NRXN3: variants seen among roughly 807,000 people sequenced by gnomAD.
NRXN3 encodes neurexin 3, also known as neurexin III.
Under a neutral mutation model 137.6 loss-of-function variants are expected in NRXN3, and 32 were observed. The observed-to-expected ratio is 0.23, with a 90% CI of 0.18 to 0.31. NRXN3 has a LOEUF of 0.31. Among genes scored for constraint, NRXN3 ranks in the 10% least tolerant of loss-of-function variants. NRXN3 has a pLI of 1.00. For missense variants in NRXN3, 1,574 were observed against 2,062.5 expected (o/e 0.76, Z 4.59); for synonymous variants, 798 against 784.5 (o/e 1.02, Z -0.29).
At chr14:79,126,281 C>T (rs947797249) in intron 15 of NRXN3, among the ~76,000 whole-genome samples, 5 of 151,908 alleles carry the variant, frequency 3.3e-5, no homozygotes, top group East Asian at 1.9e-4. Flanking sequence ...CCCACTAACT[C>T]GTCATCTAGC....
intron 20 of NRXN3, among the ~76,000 whole-genome samples, chr14:79,812,017 G>A (rs1000552521): frequency 6.6e-5 from 10 of 152,044 alleles, no homozygotes; most frequent in South Asian, 6.2e-4. Context: ...TATAAGAATA[G>A]GAAAGATCTA....
chr14:78,252,971 C>T (rs1240571587), intron 2 of NRXN3, among the ~76,000 whole-genome samples: 1 of 151,974 alleles, frequency 6.6e-6, no homozygotes, highest in African/African-American at 2.4e-5. Context: ...CCTCCTCATT[C>T]TCTCAGGCTT....
intron 10 of NRXN3, among the ~76,000 whole-genome samples, chr14:78,925,374 A>G (rs1017813820): frequency 6.6e-6 from 1 of 152,226 alleles, no homozygotes; most frequent in African/African-American, 2.4e-5. Flanking sequence ...CGAAGAAAAT[A>G]AAAGCTCAGC....
At chr14:79,855,899 A>T (rs2099401551) in intron 20 of NRXN3, among the ~76,000 whole-genome samples, 1 of 152,184 alleles carries the variant, frequency 6.6e-6, no homozygotes, top group Non-Finnish European at 1.5e-5. Flanking sequence ...AATTTGACCA[A>T]ATTCCTAGCA....
chr14:79,285,750 C>T (rs1164339149), intron 15 of NRXN3, among the ~76,000 whole-genome samples: 6 of 152,134 alleles, frequency 3.9e-5, no homozygotes, highest in Non-Finnish European at 8.8e-5. Flanking sequence ...AAGGCCCTGT[C>T]CTCACATACA....
At chr14:78,501,294 A>G (rs895817289) in intron 4 of NRXN3, among the ~76,000 whole-genome samples, 1 of 152,148 alleles carries the variant, frequency 6.6e-6, no homozygotes, top group African/African-American at 2.4e-5. Flanking sequence ...TCGACTGGCA[A>G]AAGGTCTGCT....
intron 1 of NRXN3, among the ~76,000 whole-genome samples, chr14:78,194,893 T>A (rs2061086818): frequency 1.3e-5 from 2 of 152,304 alleles, no homozygotes; most frequent in East Asian, 1.9e-4. Flanking sequence ...ATGCCATTTG[T>A]CTTTGTGTCT....
intron 4 of NRXN3, among the ~76,000 whole-genome samples, chr14:78,568,943 G>A (rs1279494680): frequency 1.3e-5 from 2 of 150,540 alleles, no homozygotes; most frequent in Admixed American, 6.6e-5. Flanking sequence ...GTCTGTGGTG[G>A]GAAATATGAC....
At chr14:78,175,141 C>T (rs990807363) in intron 1 of NRXN3, among the ~76,000 whole-genome samples, 1 of 152,186 alleles carries the variant, frequency 6.6e-6, no homozygotes, top group African/African-American at 2.4e-5. Flanking sequence ...AGGTGTGTCT[C>T]TCTTTATTAG....
At chr14:78,801,253 G>A (rs894391059) in intron 8 of NRXN3, among the ~76,000 whole-genome samples, 4 of 152,260 alleles carry the variant, frequency 2.6e-5, no homozygotes, top group East Asian at 1.9e-4. Context: ...CCTGGGAGGC[G>A]GAGCTTGCAG....
intron 15 of NRXN3, among the ~76,000 whole-genome samples, chr14:79,234,878 A>G (rs1362242282): frequency 1.3e-5 from 2 of 152,194 alleles, no homozygotes; most frequent in East Asian, 3.9e-4. Context: ...GAAATACTAC[A>G]CTAGGAAAAA....
intron 15 of NRXN3, among the ~76,000 whole-genome samples, chr14:79,393,368 G>A (rs1273931219): frequency 2.6e-5 from 4 of 152,174 alleles, no homozygotes. Context: ...AAAATGGAAA[G>A]TCACTTATAT....
chr14:78,973,909 T>C (rs189921916), intron 14 of NRXN3, among the ~76,000 whole-genome samples: 12 of 152,346 alleles, frequency 7.9e-5, no homozygotes, highest in Non-Finnish European at 1.6e-4. Flanking sequence ...GACTTTGCTG[T>C]GACTTTCTTG....
chr14:79,470,949 AGAGTGTGTGTGTGTGT>A (rs1263636372), intron 16 of NRXN3, among the ~76,000 whole-genome samples: 10 of 57,318 alleles, frequency 1.7e-4, no homozygotes, highest in South Asian at 6.6e-4. Flanking sequence ...AAAGAGAGAG[AGAGTGTGTGTGTGTGT>A]GTGTGTGTGT....
chr14:79,489,828 A>G (rs2096696101), intron 16 of NRXN3, among the ~76,000 whole-genome samples: 1 of 151,882 alleles, frequency 6.6e-6, no homozygotes. Context: ...TCACGAGCTC[A>G]GGAGATCAAG....
At chr14:78,787,293 G>A (rs1234386545) in intron 8 of NRXN3, among the ~76,000 whole-genome samples, 2 of 152,102 alleles carry the variant, frequency 1.3e-5, no homozygotes, top group African/African-American at 4.8e-5. Context: ...CAGATAATAT[G>A]GAAGCACCCA....
chr14:78,940,898 G>A (rs2099351697), intron 10 of NRXN3, among the ~76,000 whole-genome samples: 1 of 152,124 alleles, frequency 6.6e-6, no homozygotes, highest in Non-Finnish European at 1.5e-5. Flanking sequence ...AAGAGAGCTG[G>A]ATCAGTTCAC....
chr14:79,101,707 A>G (rs2051337600), intron 15 of NRXN3, among the ~76,000 whole-genome samples: 1 of 152,190 alleles, frequency 6.6e-6, no homozygotes, highest in Non-Finnish European at 1.5e-5. Flanking sequence ...TGAGTCCCCC[A>G]AAAGGATATG....
intron 4 of NRXN3, among the ~76,000 whole-genome samples, chr14:78,334,195 A>G (rs936179813): frequency 2.9e-4 from 44 of 152,288 alleles, no homozygotes; most frequent in Admixed American, 1.8e-3. Context: ...TTTGCTAACC[A>G]AGAGGAGATA....
Sources: gnomAD v4.1 joint callset for allele counts (sites outside exome capture counted in the v4.1 genomes callset) on GRCh38, gnomAD v4.1.1 for gene constraint, MANE v1.5 for transcripts, NCBI Gene and HGNC (gene_info 2026-07-23, HGNC 2026-07-21) for gene names.